Variants in PCSK5 observed in about 807,000 individuals in gnomAD.
PCSK5 encodes prohormone convertase 5.
In PCSK5, 129 loss-of-function variants were observed where a neutral mutation model predicts 233.2. That is an observed-to-expected ratio of 0.55 (90% confidence interval 0.48 to 0.64). The LOEUF (loss-of-function observed/expected upper bound fraction) is 0.64. PCSK5 is among the 30% of genes least tolerant of loss of function. PCSK5 has a pLI of 0.00. For missense variants in PCSK5, 2,076 were observed against 2,430.1 expected (o/e 0.85, Z 3.06); for synonymous variants, 825 against 879.2 (o/e 0.94, Z 1.09).
At chr9:76,246,116 A>AG in intron 24 of PCSK5, among the ~76,000 whole-genome samples, 1 of 152,138 alleles carries the variant, frequency 6.6e-6, no homozygotes, top group South Asian at 2.1e-4. Flanking sequence ...CGAGGCGGGC[A>AG]GATCACTTGA....
intron 7 of PCSK5, among the ~76,000 whole-genome samples, chr9:76,086,241 A>G (rs1831057054): frequency 6.6e-6 from 1 of 152,240 alleles, no homozygotes; most frequent in South Asian, 2.1e-4. Flanking sequence ...GGATGTACCC[A>G]GAACAGCTGT....
chr9:75,946,113 G>T (rs377063829), intron 2 of PCSK5, among the ~76,000 whole-genome samples: 2 of 152,176 alleles, frequency 1.3e-5, no homozygotes, highest in East Asian at 3.8e-4. Flanking sequence ...AAGAATACAT[G>T]AATGAATAAA....
At chr9:76,043,390 C>T (rs1233553672) in intron 5 of PCSK5, among the ~76,000 whole-genome samples, 1 of 146,666 alleles carries the variant, frequency 6.8e-6, no homozygotes, top group Non-Finnish European at 1.5e-5. Flanking sequence ...TATTAAAAGG[C>T]AGGCTTCCAT....
rs867267885 is a variant in PCSK5, at chr9:75,956,532, A to G, written c.297+24049A>G. On this transcript the variant is annotated intron_variant, in intron 2 of 37. Transcript: ENST00000674117. ...CATCTCATTACATATTTGAAAATAT[A>G]TTCATATCACTCAAAGTTTTCTTTG... Among the ~76,000 whole-genome samples the G allele has an allele frequency of 4.6e-5, 7 of 152,360 alleles. No individual in the cohort carries two copies. In the South Asian group the frequency reaches 1.2e-3, roughly 27 times the overall value.
At chr9:76,327,226 C>T (rs1258323746) in intron 32 of PCSK5, among the ~76,000 whole-genome samples, 1 of 151,864 alleles carries the variant, frequency 6.6e-6, no homozygotes, top group Non-Finnish European at 1.5e-5. Flanking sequence ...TCCACCTTAG[C>T]CTCCTGAGTA....
intron 5 of PCSK5, 55 bp from the exon 6 acceptor site, chr9:76,067,900 G>A (rs1374999771): frequency 6.4e-6 from 9 of 1,401,034 alleles, no homozygotes; most frequent in African/African-American, 1.4e-5. Flanking sequence ...GTGACGCGTT[G>A]GCTTTGTGAG....
At position 76,295,382 on chromosome 9, in the gene PCSK5, A is replaced by G; in HGVS notation, c.3293A>G (p.Tyr1098Cys). The G allele has an allele frequency of 6.2e-7, 1 of 1,612,348 alleles. No homozygotes were observed. The highest frequency in any genetic ancestry group is 1.3e-5 in the African/African-American group (1 of 75,028). ...GGCAGCTGTGACCAGAATGGGTGTT[A>G]CTGGTGTGAAGAGGGCTTCTTTCTC... ...NCGSCDQNGCYWCEEGFFLLG... is the reference protein window; with the variant it reads ...NCGSCDQNGCCWCEEGFFLLG... Residue 1098 changes from tyrosine to cysteine, a missense_variant, in exon 26 of 38, where the codon TAC becomes TGC. Tyr to Cys is a radical substitution (Grantham distance 194). Around this residue, in one of 6 missense-constraint regions of PCSK5, gnomAD observed 1,510 missense variants for 1,538.1 expected, o/e 0.98. Transcript: ENST00000674117.
chr9:76,116,478 A>G (rs1188262966), intron 9 of PCSK5, among the ~76,000 whole-genome samples: 1 of 152,140 alleles, frequency 6.6e-6, no homozygotes, highest in African/African-American at 2.4e-5. Flanking sequence ...CCCTACCAGT[A>G]AAGACTGTAG....
At chr9:75,986,502 C>T (rs931079503) in intron 3 of PCSK5, among the ~76,000 whole-genome samples, 1 of 152,200 alleles carries the variant, frequency 6.6e-6, no homozygotes, top group Non-Finnish European at 1.5e-5. Context: ...TTACTTTGTG[C>T]AGTAGCTTTC....
intron 9 of PCSK5, among the ~76,000 whole-genome samples, chr9:76,133,331 G>A (rs1394740567): frequency 6.6e-6 from 1 of 151,986 alleles, no homozygotes; most frequent in Non-Finnish European, 1.5e-5. Context: ...TCTATGAAAG[G>A]GAATAAAAGT....
intron 35 of PCSK5, among the ~76,000 whole-genome samples, chr9:76,346,085 C>T (rs1554724173): frequency 6.6e-6 from 1 of 152,162 alleles, no homozygotes; most frequent in Non-Finnish European, 1.5e-5. Flanking sequence ...GGTAGGGATC[C>T]AGTTTTATTC....
At chr9:76,075,666 GAAAT>G (rs975733842) in intron 7 of PCSK5, among the ~76,000 whole-genome samples, 4 of 152,224 alleles carry the variant, frequency 2.6e-5, no homozygotes, top group African/African-American at 9.6e-5. Flanking sequence ...GTACAACAAA[GAAAT>G]AAATGTGATT....
intron 36 of PCSK5, among the ~76,000 whole-genome samples, chr9:76,351,529 A>AAAGAAAG (rs1554724839): frequency 9.2e-6 from 1 of 108,706 alleles, no homozygotes; most frequent in Non-Finnish European, 2.0e-5. Flanking sequence ...AGAAAGAAAG[A>AAAGAAAG]AAGGAAGGAA....
chr9:75,934,572 T>C (rs1455452223), intron 2 of PCSK5, among the ~76,000 whole-genome samples: 2 of 151,828 alleles, frequency 1.3e-5, no homozygotes, highest in African/African-American at 2.4e-5. Context: ...CCTAAGTTTT[T>C]TTGTTTTTTT....
chr9:76,147,693 C>G (rs1320079182), intron 10 of PCSK5, among the ~76,000 whole-genome samples: 1 of 152,184 alleles, frequency 6.6e-6, no homozygotes, highest in Non-Finnish European at 1.5e-5. Context: ...TATCTTCTCT[C>G]CTGTGCATCT....
At chr9:75,955,539 A>G (rs1449263757) in intron 2 of PCSK5, among the ~76,000 whole-genome samples, 1 of 152,190 alleles carries the variant, frequency 6.6e-6, no homozygotes, top group Admixed American at 6.5e-5. Flanking sequence ...TACCACTACT[A>G]CTAAAAATAG....
intron 3 of PCSK5, among the ~76,000 whole-genome samples, chr9:76,016,644 A>G (rs1827960984): frequency 6.6e-6 from 1 of 152,254 alleles, no homozygotes; most frequent in Admixed American, 6.5e-5. Context: ...TGAGACTTGT[A>G]AAGATTCCTT....
At position 76,179,621 on chromosome 9, in the gene PCSK5, G is replaced by T. The variant is rs867204256; in HGVS notation, c.1926G>T (p.Glu642Asp). 6.2e-7 allele frequency: 1 copy of T among 1,613,776 alleles called. No individual in the cohort carries two copies. Among genetic ancestry groups the T allele is most frequent in the Non-Finnish European group, 8.5e-7 (1 of 1,179,714 alleles). Reference protein sequence around the residue: ...YAGPCDPECSEVGCDGPGPDH... With the variant: ...YAGPCDPECSDVGCDGPGPDH... Reference sequence around the variant, plus strand: ...GTCCCTGCGACCCTGAGTGCAGTGAGGTTGGCTGTGACGGGCCAGGACCAG... The same window carrying T: ...GTCCCTGCGACCCTGAGTGCAGTGATGTTGGCTGTGACGGGCCAGGACCAG... Residue 642 changes from glutamate (E) to aspartate (D), a missense_variant, in exon 15 of 38, where the codon GAG (glutamate) becomes GAT (aspartate). Transcript: ENST00000674117.
intron 24 of PCSK5, among the ~76,000 whole-genome samples, chr9:76,277,342 T>C (rs992832763): frequency 2.0e-5 from 3 of 152,236 alleles, no homozygotes; most frequent in Non-Finnish European, 2.9e-5. Context: ...GAGTGATCCC[T>C]ATAGGAATTG....
Sources: gnomAD v4.1 joint callset for allele counts (sites outside exome capture counted in the v4.1 genomes callset) on GRCh38, gnomAD v4.1.1 for gene constraint, gnomAD v4.1.1 regional missense constraint, MANE v1.5 for transcripts, NCBI Gene and HGNC (gene_info 2026-07-23, HGNC 2026-07-21) for gene names.